Variants in SPEF2 observed in about 807,000 individuals in gnomAD.
The protein encoded by SPEF2 is sperm flagellar and cilia associated 2, also known as sperm flagella and cilia-associated protein 2.
In SPEF2, 187 loss-of-function variants were observed where a neutral mutation model predicts 224.6. The ratio of observed to expected loss-of-function variants is 0.83; its 90% confidence interval spans 0.74 to 0.94. The LOEUF is 0.94. SPEF2 is among the 40% of genes least tolerant of loss of function. The pLI is 0.00. For synonymous variants in SPEF2, 715 were observed against 707.3 expected (o/e 1.01, Z -0.17); for missense variants, 2,170 against 2,135.6 (o/e 1.02, Z -0.32).
rs181701245 is a variant in SPEF2 at position 35,665,191 on chromosome 5, C to T, written c.1168-1881C>T. Among the ~76,000 whole-genome samples the T allele has an allele frequency of 2.6e-5, 4 of 152,276 alleles. No individual in the cohort carries two copies. The East Asian group carries it at 7.7e-4, about 29-fold the overall frequency. ...GAAGACTAGAAGGCTCAAAGTCACACAGCTTCTCAGTGGTGTAGCAGGGAG... is the reference window on the plus strand; with the variant it reads ...GAAGACTAGAAGGCTCAAAGTCACATAGCTTCTCAGTGGTGTAGCAGGGAG... On this transcript the variant is annotated intron_variant, in intron 8 of 36. Transcript: ENST00000356031.
chr5:35,776,440 A>G (rs776077134), intron 29 of SPEF2, 45 bp downstream of exon 29: 5 of 1,545,328 alleles, frequency 3.2e-6, no homozygotes, highest in Admixed American at 2.2e-5. Flanking sequence ...TGTGTATTCT[A>G]AGTACCAAAA....
chr5:35,755,837 T>A (rs2149735127), intron 24 of SPEF2, among the ~76,000 whole-genome samples: 1 of 152,266 alleles, frequency 6.6e-6, no homozygotes, highest in South Asian at 2.1e-4. Context: ...CTCGAGCTCC[T>A]GACCTCAGGT....
intron 1 of SPEF2, among the ~76,000 whole-genome samples, chr5:35,624,705 C>T (rs1333367946): frequency 6.6e-6 from 1 of 152,128 alleles, no homozygotes; most frequent in Non-Finnish European, 1.5e-5. Context: ...GGCGCAATCT[C>T]AACTCACTGC....
chr5:35,799,955 T>C lies in SPEF2; in HGVS notation c.4831-13T>C, dbSNP rs1485061082. On this transcript the variant is annotated splice_polypyrimidine_tract_variant and intron_variant, in intron 33 of 36. Transcript: ENST00000356031. ...TGCACCCATTTTATCTTTGGAATTC[T>C]TTTTGTGTGCAGTTTTTCTTTAGGC... The C allele has an allele frequency of 6.2e-7, 1 of 1,613,544 alleles. No individual in the cohort carries two copies. Among genetic ancestry groups the C allele is most frequent in the South Asian group, 1.1e-5 (1 of 91,002 alleles).
At chr5:35,640,207 G>A (rs894537876) in intron 2 of SPEF2, among the ~76,000 whole-genome samples, 5 of 152,112 alleles carry the variant, frequency 3.3e-5, no homozygotes, top group African/African-American at 1.2e-4. Context: ...AATGGGTAAT[G>A]TTTGCTTTTG....
intron 20 of SPEF2, among the ~76,000 whole-genome samples, chr5:35,716,085 C>A (rs1327698003): frequency 1.3e-5 from 2 of 151,716 alleles, no homozygotes; most frequent in Non-Finnish European, 1.5e-5. Context: ...TGTTGCAGTC[C>A]AAGAGTGTGT....
chr5:35,780,767 C>A (rs993849756), intron 30 of SPEF2, among the ~76,000 whole-genome samples: 7 of 151,984 alleles, frequency 4.6e-5, no homozygotes, highest in African/African-American at 1.7e-4. Context: ...TTTAATCCTA[C>A]ACTCTGGTGA....
chr5:35,670,693 A>C (rs1369951984), intron 10 of SPEF2: 1 of 985,632 alleles, frequency 1.0e-6, no homozygotes, highest in Admixed American at 6.2e-5. Context: ...CAAAGATTGA[A>C]ATAAAAAGTA....
intron 10 of SPEF2, 40 bp downstream of exon 10, chr5:35,670,267 A>C (rs1482734341): frequency 9.8e-6 from 15 of 1,535,644 alleles, no homozygotes; most frequent in Non-Finnish European, 1.3e-5. Context: ...CTACATAATA[A>C]ATCCTTTTTC....
rs182453145 is a variant in SPEF2 at position 35,648,721 on chromosome 5, G to T, written c.727-640G>T. Among the ~76,000 whole-genome samples the T allele has an allele frequency of 2.2e-3, 332 of 152,184 alleles. 2 individuals are homozygous for T. Among genetic ancestry groups the T allele is most frequent in the African/African-American group, 7.7e-3 (321 of 41,526 alleles). On this transcript the variant is annotated intron_variant, in intron 5 of 36. Transcript: ENST00000356031. Reference sequence around the variant, plus strand: ...TAATAGTGTAAATAAAGTTGCATGAGGAATGTTTAAAACACCCAGGACAAC... The same window carrying T: ...TAATAGTGTAAATAAAGTTGCATGATGAATGTTTAAAACACCCAGGACAAC...
chr5:35,696,986 A>C (rs2149549925), intron 14 of SPEF2, among the ~76,000 whole-genome samples: 1 of 152,280 alleles, frequency 6.6e-6, no homozygotes, highest in East Asian at 1.9e-4. Context: ...GGTTAGAGAC[A>C]TGGGTGAGAA....
At chr5:35,764,459 A>T in intron 26 of SPEF2, 1 of 409,940 alleles carries the variant, frequency 2.4e-6, no homozygotes, top group South Asian at 1.8e-5. Context: ...CATAACTTTA[A>T]TCCAAGCAGA....
intron 10 of SPEF2, among the ~76,000 whole-genome samples, chr5:35,676,931 C>G (rs1231893648): frequency 6.6e-6 from 1 of 152,136 alleles, no homozygotes; most frequent in Non-Finnish European, 1.5e-5. Context: ...GGTGTCAGGA[C>G]TTAGCCATAT....
intron 26 of SPEF2, among the ~76,000 whole-genome samples, chr5:35,765,225 T>A (rs1249850314): frequency 6.6e-6 from 1 of 152,220 alleles, no homozygotes; most frequent in East Asian, 1.9e-4. Context: ...TTTGTCTTTT[T>A]TGTGTCTTAT....
At chr5:35,750,224 A>G (rs1749197725) in intron 23 of SPEF2, among the ~76,000 whole-genome samples, 1 of 152,206 alleles carries the variant, frequency 6.6e-6, no homozygotes, top group South Asian at 2.1e-4. Context: ...TAAGGTCTTA[A>G]ACATAAGACC....
chr5:35,624,040 C>A (rs1743872595), intron 1 of SPEF2, among the ~76,000 whole-genome samples: 1 of 152,240 alleles, frequency 6.6e-6, no homozygotes, highest in African/African-American at 2.4e-5. Context: ...GAGAATCTTT[C>A]TCCAGAACCT....
intron 30 of SPEF2, chr5:35,790,182 C>T (rs1415026463): frequency 1.4e-6 from 1 of 698,672 alleles, no homozygotes; most frequent in Non-Finnish European, 2.6e-6. Flanking sequence ...GACCAAGTCA[C>T]ATATGCATGC....
chr5:35,661,489 A>C (rs1055728549), intron 8 of SPEF2, among the ~76,000 whole-genome samples: 2 of 151,572 alleles, frequency 1.3e-5, no homozygotes, highest in Non-Finnish European at 2.9e-5. Context: ...AATGTGTGTC[A>C]TGGGGGTTTG....
chr5:35,722,739 G>A (rs1580451044), intron 20 of SPEF2, among the ~76,000 whole-genome samples: 1 of 142,698 alleles, frequency 7.0e-6, no homozygotes, highest in African/African-American at 2.6e-5. Context: ...TGCGGTGTTT[G>A]GTTTTTTGTT....
Sources: gnomAD v4.1 joint callset for allele counts (sites outside exome capture counted in the v4.1 genomes callset) on GRCh38, gnomAD v4.1.1 for gene constraint, MANE v1.5 for transcripts, NCBI Gene and HGNC (gene_info 2026-07-23, HGNC 2026-07-21) for gene names.